The following GALNTL6 variants were observed in gnomAD, a reference collection of about 807,000 sequenced individuals.
GALNTL6 encodes polypeptide N-acetylgalactosaminyltransferase like 6.
GALNTL6 carries 46 observed loss-of-function variants against 73.7 expected under a neutral mutation model. The ratio of observed to expected loss-of-function variants is 0.62; its 90% CI spans 0.49 to 0.80. The LOEUF (loss-of-function observed/expected upper bound fraction) is 0.80. Among genes scored for constraint, GALNTL6 ranks in the 30% least tolerant of loss-of-function variants. The pLI, the probability that GALNTL6 is intolerant of heterozygous loss-of-function variation, is 0.00. For missense variants in GALNTL6, 604 were observed against 755.0 expected (o/e 0.80, Z 2.34); for synonymous variants, 259 against 263.7 (o/e 0.98, Z 0.17).
At chr4:172,797,704 A>T (rs1022540408) in intron 5 of GALNTL6, among the ~76,000 whole-genome samples, 4 of 151,800 alleles carry the variant, frequency 2.6e-5, no homozygotes, top group African/African-American at 9.7e-5. Flanking sequence ...ACGCCCTGCT[A>T]ATTTTTGTAT....
At chr4:172,015,356 A>G (rs1387214617) in intron 2 of GALNTL6, among the ~76,000 whole-genome samples, 2 of 152,046 alleles carry the variant, frequency 1.3e-5, no homozygotes, top group African/African-American at 4.8e-5. Context: ...GTGATATAAA[A>G]ATAGCTACTC....
chr4:172,038,783 T>C (rs961522879), intron 2 of GALNTL6, among the ~76,000 whole-genome samples: 10 of 151,944 alleles, frequency 6.6e-5, no homozygotes, highest in Non-Finnish European at 1.3e-4. Flanking sequence ...TGAAAGAGAG[T>C]TGGCCAAGAA....
At chr4:171,987,432 G>A (rs921890072) in intron 2 of GALNTL6, among the ~76,000 whole-genome samples, 18 of 152,138 alleles carry the variant, frequency 1.2e-4, no homozygotes, top group Admixed American at 3.3e-4. Context: ...AAATGACTGC[G>A]GTGGCCTTCT....
intron 5 of GALNTL6, among the ~76,000 whole-genome samples, chr4:172,569,913 C>A (rs13102637): frequency 0.48 from 72,400 of 151,970 alleles, 18,941 homozygotes; most frequent in East Asian, 0.68. Context: ...AGAAAGGGGC[C>A]GTGGAAGGAG....
intron 5 of GALNTL6, among the ~76,000 whole-genome samples, chr4:172,520,385 G>A (rs144503987): frequency 2.9e-3 from 438 of 151,938 alleles, no homozygotes; most frequent in Non-Finnish European, 5.1e-3. Flanking sequence ...AACTGTTAAT[G>A]GAAATTATTC....
At chr4:172,657,842 C>T (rs1443891817) in intron 5 of GALNTL6, among the ~76,000 whole-genome samples, 2 of 152,222 alleles carry the variant, frequency 1.3e-5, no homozygotes, top group South Asian at 2.1e-4. Context: ...AGTCAACGGT[C>T]GGCACACTCA....
intron 2 of GALNTL6, among the ~76,000 whole-genome samples, chr4:172,010,850 A>G (rs928855790): frequency 2.0e-5 from 3 of 152,178 alleles, no homozygotes; most frequent in African/African-American, 7.2e-5. Flanking sequence ...ACGCCATCCG[A>G]AGAGTTCAGT....
At chr4:172,434,237 G>C (rs568904925) in intron 5 of GALNTL6, among the ~76,000 whole-genome samples, 2 of 151,914 alleles carry the variant, frequency 1.3e-5, no homozygotes, top group Admixed American at 1.3e-4. Flanking sequence ...AACTTGTCTT[G>C]TTATACAAGA....
chr4:172,503,691 T>C (rs1579136838), intron 5 of GALNTL6, among the ~76,000 whole-genome samples: 2 of 151,730 alleles, frequency 1.3e-5, no homozygotes, highest in South Asian at 4.2e-4. Flanking sequence ...TTCAACAATG[T>C]ACAGACAGGT....
chr4:172,416,705 T>G (rs1730849419), intron 5 of GALNTL6, among the ~76,000 whole-genome samples: 1 of 152,156 alleles, frequency 6.6e-6, no homozygotes, highest in Non-Finnish European at 1.5e-5. Flanking sequence ...GAACATTTTT[T>G]CCTGTAATGA....
intron 5 of GALNTL6, among the ~76,000 whole-genome samples, chr4:172,554,954 C>A (rs1736092110): frequency 6.6e-6 from 1 of 152,076 alleles, no homozygotes; most frequent in Non-Finnish European, 1.5e-5. Context: ...GTAACAGTTA[C>A]CAACAAGTTG....
chr4:172,479,745 T>G (rs965371857), intron 5 of GALNTL6, among the ~76,000 whole-genome samples: 24 of 152,194 alleles, frequency 1.6e-4, no homozygotes, highest in African/African-American at 5.8e-4. Context: ...GCTTCATGTG[T>G]TTGTCGATGA....
intron 5 of GALNTL6, among the ~76,000 whole-genome samples, chr4:172,786,758 G>C (rs1305384841): frequency 6.6e-6 from 1 of 152,084 alleles, no homozygotes; most frequent in Non-Finnish European, 1.5e-5. Context: ...GTATGGAGAA[G>C]ATGTAAAAGG....
At position 172,317,463 on chromosome 4, in the gene GALNTL6, C is replaced by T. The variant is rs116135963; in HGVS notation, c.386+5711C>T. 2.0e-3 allele frequency among the ~76,000 whole-genome samples: 297 copies of T among 152,222 alleles called. 1 individual carries two copies. The highest frequency in any genetic ancestry group is 6.8e-3 in the African/African-American group (281 of 41,556). On this transcript the variant is annotated intron_variant, in intron 4 of 12. Coordinates refer to ENST00000506823, the MANE Select transcript of GALNTL6 (RefSeq NM_001034845.3). ...TATTTCTTTGTCTTCTGATAATGATCTTGTTGATTCCCTTTTTTATTTTCC... is the reference window on the plus strand; with the variant it reads ...TATTTCTTTGTCTTCTGATAATGATTTTGTTGATTCCCTTTTTTATTTTCC...
chr4:172,469,422 A>C (rs1329614547), intron 5 of GALNTL6, among the ~76,000 whole-genome samples: 1 of 151,188 alleles, frequency 6.6e-6, no homozygotes, highest in Non-Finnish European at 1.5e-5. Flanking sequence ...CCTGGGCAAC[A>C]TAGTGAGACC....
intron 5 of GALNTL6, among the ~76,000 whole-genome samples, chr4:172,368,927 A>T (rs1742677154): frequency 6.6e-6 from 1 of 152,136 alleles, no homozygotes; most frequent in African/African-American, 2.4e-5. Flanking sequence ...AGACCTTTGC[A>T]GTGAGTATTA....
intron 5 of GALNTL6, among the ~76,000 whole-genome samples, chr4:172,619,963 A>G (rs1011490410): frequency 1.3e-5 from 2 of 152,212 alleles, no homozygotes; most frequent in Non-Finnish European, 2.9e-5. Context: ...CAAGAGGCAT[A>G]TCTGAGCTGT....
At chr4:172,533,704 A>AAT (rs779398292) in intron 5 of GALNTL6, among the ~76,000 whole-genome samples, 1 of 152,116 alleles carries the variant, frequency 6.6e-6, no homozygotes, top group African/African-American at 2.4e-5. Flanking sequence ...GTCACAGACT[A>AAT]AACTATAAGT....
chr4:173,024,705 C>A (rs989854576), intron 12 of GALNTL6, among the ~76,000 whole-genome samples: 21 of 152,128 alleles, frequency 1.4e-4, no homozygotes, highest in African/African-American at 4.6e-4. Flanking sequence ...CTCAGCCTCC[C>A]AAGTAGCCAG....
Sources: gnomAD v4.1 joint callset for allele counts (sites outside exome capture counted in the v4.1 genomes callset) on GRCh38, gnomAD v4.1.1 for gene constraint, MANE v1.5 for transcripts, NCBI Gene and HGNC (gene_info 2026-07-23, HGNC 2026-07-21) for gene names.